Variants in CEP85L observed in about 807,000 individuals in gnomAD.
CEP85L encodes centrosomal protein 85L.
Under a neutral mutation model 100.3 loss-of-function variants are expected in CEP85L, and 60 were observed. That is an observed-to-expected ratio of 0.60 (90% CI 0.49 to 0.74). CEP85L has a LOEUF of 0.74. Ranked by LOEUF, CEP85L falls within the 30% of genes least tolerant of loss-of-function variation. CEP85L has a pLI of 0.00. For missense variants in CEP85L, 973 were observed against 936.2 expected (o/e 1.04, Z -0.51); for synonymous variants, 319 against 322.7 (o/e 0.99, Z 0.12).
intron 2 of CEP85L, among the ~76,000 whole-genome samples, chr6:118,605,035 C>G (rs1772097603): frequency 6.6e-6 from 1 of 152,094 alleles, no homozygotes; most frequent in African/African-American, 2.4e-5. Context: ...ATAGAAGATT[C>G]CGCACGTGTA....
Position 118,568,164 on chromosome 6 carries a change from G to A in CEP85L, c.233-1848C>T, listed in dbSNP as rs387819. ...GGCATCACCTTTCCACAACAGCAGT[G>A]ACAGACGTGGCCCCGTAGTGGCTGC... On this transcript the variant is annotated intron_variant, in intron 2 of 12. Coordinates refer to ENST00000368491, the MANE Select transcript of CEP85L (RefSeq NM_001042475.3). Among the ~76,000 whole-genome samples, 740 of 152,280 alleles carry A rather than the reference G, an allele frequency of 4.9e-3. 8 individuals are homozygous for A. The highest frequency in any genetic ancestry group is 0.016 in the African/African-American group (680 of 41,548).
chr6:118,659,416 TCTC>T (rs1377093227), intron 1 of CEP85L, among the ~76,000 whole-genome samples: 1 of 152,230 alleles, frequency 6.6e-6, no homozygotes, highest in Non-Finnish European at 1.5e-5. Context: ...ATTACAGTAA[TCTC>T]CTAATGAAGT....
intron 1 of CEP85L, among the ~76,000 whole-genome samples, chr6:118,709,342 G>A (rs536829866): frequency 2.6e-5 from 4 of 152,262 alleles, no homozygotes; most frequent in African/African-American, 9.6e-5. Flanking sequence ...GTCCCTGTCT[G>A]CTTTGTAAAG....
intron 1 of CEP85L, among the ~76,000 whole-genome samples, chr6:118,670,108 C>G (rs1212749596): frequency 1.6e-4 from 25 of 151,940 alleles, no homozygotes; most frequent in Admixed American, 1.6e-3. Context: ...CTTGGCAGTA[C>G]CTTCTATCAG....
At chr6:118,686,452 A>T (rs1473683211) in intron 1 of CEP85L, among the ~76,000 whole-genome samples, 1 of 152,184 alleles carries the variant, frequency 6.6e-6, no homozygotes, top group Non-Finnish European at 1.5e-5. Context: ...TAGATATTTT[A>T]TATAAATAGA....
At chr6:118,592,840 G>A (rs185045633) in intron 2 of CEP85L, among the ~76,000 whole-genome samples, 8 of 152,284 alleles carry the variant, frequency 5.3e-5, no homozygotes, top group Admixed American at 3.3e-4. Context: ...AAGGGTATAC[G>A]TGGATGAGCA....
At chr6:118,705,959 C>T (rs907511979) in intron 1 of CEP85L, among the ~76,000 whole-genome samples, 10 of 152,170 alleles carry the variant, frequency 6.6e-5, no homozygotes, top group African/African-American at 1.2e-4. Flanking sequence ...CTGCTAAGCC[C>T]GCCCCCACAT....
chr6:118,579,184 C>A (rs1780419170), intron 2 of CEP85L, among the ~76,000 whole-genome samples: 1 of 152,094 alleles, frequency 6.6e-6, no homozygotes, highest in South Asian at 2.1e-4. Context: ...GTGTGAGCCA[C>A]CACGCCTGGC....
chr6:118,628,384 T>C (rs970868762), intron 2 of CEP85L, among the ~76,000 whole-genome samples: 4 of 151,756 alleles, frequency 2.6e-5, no homozygotes, highest in Non-Finnish European at 5.9e-5. Context: ...ATGCTACAGA[T>C]CAAAAATACT....
intron 1 of CEP85L, among the ~76,000 whole-genome samples, chr6:118,647,642 A>T (rs1186272748): frequency 6.6e-6 from 1 of 152,176 alleles, no homozygotes; most frequent in East Asian, 1.9e-4. Flanking sequence ...GATTATAGGC[A>T]TGAGCCACTG....
At chr6:118,613,316 CACAT>C (rs1308210822) in intron 2 of CEP85L, among the ~76,000 whole-genome samples, 1 of 152,200 alleles carries the variant, frequency 6.6e-6, no homozygotes. Context: ...CAATTCTACA[CACAT>C]AAACTTGATA....
chr6:118,556,756 T>C (rs1778903006), intron 3 of CEP85L, among the ~76,000 whole-genome samples: 1 of 152,226 alleles, frequency 6.6e-6, no homozygotes, highest in East Asian at 1.9e-4. Flanking sequence ...AGTTAATTAC[T>C]GACTTTTTTT....
chr6:118,536,678 A>G (rs1777613871), intron 3 of CEP85L, among the ~76,000 whole-genome samples: 1 of 152,160 alleles, frequency 6.6e-6, no homozygotes, highest in Non-Finnish European at 1.5e-5. Context: ...TAGCCATGAG[A>G]TAAGAGAAAA....
At chr6:118,477,402 G>T (rs1773464417) in intron 10 of CEP85L, among the ~76,000 whole-genome samples, 1 of 152,098 alleles carries the variant, frequency 6.6e-6, no homozygotes, top group Non-Finnish European at 1.5e-5. Flanking sequence ...AAATAAACAT[G>T]CCAGTGACCT....
chr6:118,563,465 C>A (rs535987599), intron 3 of CEP85L, among the ~76,000 whole-genome samples: 171 of 152,204 alleles, frequency 1.1e-3, no homozygotes, highest in Non-Finnish European at 1.6e-3. Context: ...AGCCAAATTC[C>A]TTTTCTTAGT....
In CEP85L at chr6:118,475,358, T is replaced by A. The variant is rs1178078602; in HGVS notation, c.1914+4513A>T. On this transcript the variant is annotated intron_variant, in intron 10 of 12. Coordinates refer to ENST00000368491, the MANE Select transcript of CEP85L (RefSeq NM_001042475.3). ...GAATTGTAGGTGACATTTTTTTTTT[T>A]TTTTTTTTTTTTTTGAGACGAGTCT... 1.0e-4 allele frequency among the ~76,000 whole-genome samples: 15 copies of A among 146,966 alleles called. 1 individual carries two copies. Among genetic ancestry groups the A allele is most frequent in the South Asian group, 9.0e-4 (4 of 4,454 alleles).
intron 1 of CEP85L, among the ~76,000 whole-genome samples, chr6:118,681,064 C>T (rs1776642836): frequency 6.6e-6 from 1 of 152,214 alleles, no homozygotes; most frequent in Non-Finnish European, 1.5e-5. Context: ...GTTGACAGTA[C>T]ACAAGAGCTT....
At chr6:118,612,906 G>A (rs1049093081) in intron 2 of CEP85L, among the ~76,000 whole-genome samples, 1 of 151,906 alleles carries the variant, frequency 6.6e-6, no homozygotes, top group East Asian at 1.9e-4. Context: ...AAACAAGGCA[G>A]GAAGACACAA....
chr6:118,641,032 T>A (rs568412780), intron 1 of CEP85L, among the ~76,000 whole-genome samples: 2 of 152,192 alleles, frequency 1.3e-5, no homozygotes, highest in Non-Finnish European at 2.9e-5. Flanking sequence ...TTACTGAGCA[T>A]GTGTAACTTT....
Sources: allele counts gnomAD v4.1 joint callset (sites outside exome capture counted in the v4.1 genomes callset), GRCh38; gene constraint gnomAD v4.1.1; transcripts MANE v1.5; gene names NCBI Gene and HGNC (gene_info 2026-07-23, HGNC 2026-07-21).